SLC22A16: variants seen among roughly 807,000 people sequenced by gnomAD.
SLC22A16 encodes the protein WUGSC:RG331P03.1.
In SLC22A16, 53 loss-of-function variants were observed where a neutral mutation model predicts 52.9. The ratio of observed to expected loss-of-function variants is 1.00; its 90% CI spans 0.80 to 1.26. SLC22A16 has a LOEUF of 1.26. Among genes scored for constraint, SLC22A16 ranks in the 50% most tolerant of loss-of-function variants. The pLI is 0.00. For synonymous variants in SLC22A16, 291 were observed against 268.8 expected (o/e 1.08, Z -0.81); for missense variants, 726 against 704.0 (o/e 1.03, Z -0.35).
At chr6:110,476,137 TGGCGGCGGATTAGAGAAACG>T (rs1268532166) in intron 1 of SLC22A16, 30 of 394,986 alleles carry the variant, frequency 7.6e-5, no homozygotes, top group African/African-American at 1.5e-4. Context: ...TCTAGGGAAG[TGGCGGCGGATTAGAGAAACG>T]GGCGGCCAGG....
intron 2 of SLC22A16, among the ~76,000 whole-genome samples, chr6:110,447,730 G>A (rs1030406745): frequency 8.5e-5 from 13 of 152,122 alleles, no homozygotes; most frequent in African/African-American, 2.4e-4. Flanking sequence ...TGCCTGTTCT[G>A]GACATTTCCC....
intron 6 of SLC22A16, among the ~76,000 whole-genome samples, chr6:110,433,088 C>T (rs975186380): frequency 5.3e-5 from 8 of 152,000 alleles, no homozygotes; most frequent in South Asian, 2.1e-4. Flanking sequence ...TATTAGACTG[C>T]GAGAGTGGTC....
At chr6:110,441,595 G>A (rs894498490) in intron 4 of SLC22A16, among the ~76,000 whole-genome samples, 7 of 152,176 alleles carry the variant, frequency 4.6e-5, no homozygotes, top group African/African-American at 1.7e-4. Context: ...TTTCTGGAGG[G>A]CCAAAGAATG....
chr6:110,442,291 T>C lies in SLC22A16; in HGVS notation c.1136A>G (p.Asn379Ser), dbSNP rs775784034. The stretch of plus-strand genomic sequence containing the variant: ...TTCATTGCCTCCTAAGTTAACAGAA[T>C]TCAAGGAAAACGAGTAGAATCCCAA... ...GSLGFYSFSLNSVNLGGNEYL... is the reference protein window; with the variant it reads ...GSLGFYSFSLSSVNLGGNEYL... Residue 379 changes from asparagine (N) to serine (S), a missense_variant, in exon 4 of 8, where the codon AAT becomes AGT. Physicochemically the swap from Asn to Ser is conservative, Grantham distance 46. Transcript: ENST00000368919. The C allele has an allele frequency of 1.9e-6, 3 of 1,614,052 alleles. No homozygotes were observed. The highest frequency in any genetic ancestry group is 2.7e-5 in the African/African-American group (2 of 74,914).
intron 1 of SLC22A16, among the ~76,000 whole-genome samples, chr6:110,466,525 T>C (rs982484725): frequency 1.5e-4 from 23 of 151,526 alleles, no homozygotes; most frequent in Non-Finnish European, 7.4e-5. Flanking sequence ...CAGGAAAAAA[T>C]GCTCAATATC....
chr6:110,445,371 C>T (rs1256252538), intron 3 of SLC22A16, among the ~76,000 whole-genome samples: 2 of 152,192 alleles, frequency 1.3e-5, no homozygotes, highest in South Asian at 2.1e-4. Flanking sequence ...TCCAGACCCA[C>T]TGATGTTATG....
At chr6:110,425,667 T>C (rs1464978531) in intron 7 of SLC22A16, among the ~76,000 whole-genome samples, 2 of 152,258 alleles carry the variant, frequency 1.3e-5, no homozygotes, top group Admixed American at 1.3e-4. Flanking sequence ...TCCATATAAT[T>C]TCCTATACAG....
intron 2 of SLC22A16, among the ~76,000 whole-genome samples, chr6:110,455,053 A>ATT (rs1775594885): frequency 7.6e-6 from 1 of 131,300 alleles, no homozygotes; most frequent in Admixed American, 9.5e-5. Flanking sequence ...TTATTTATAT[A>ATT]TTATATATAT....
intron 4 of SLC22A16, among the ~76,000 whole-genome samples, chr6:110,441,547 C>A (rs115668275): frequency 9.8e-5 from 15 of 152,288 alleles, no homozygotes; most frequent in South Asian, 2.1e-4. Context: ...GTCATGGCAA[C>A]GTTTGTTGGG....
chr6:110,438,753 T>G lies in SLC22A16; in HGVS notation c.1278A>C (p.Ala426=), dbSNP rs780908832. The G allele has an allele frequency of 1.2e-6, 2 of 1,613,920 alleles. No homozygotes were observed. The highest frequency in any genetic ancestry group is 1.7e-6 in the Non-Finnish European group (2 of 1,179,978). Residue 426 remains alanine, a synonymous_variant, in exon 5 of 8, where the codon GCA becomes GCC. Coordinates refer to ENST00000368919, the MANE Select transcript of SLC22A16 (RefSeq NM_033125.4). ...TVLAYSLFCS[A]LACGVVMVIP... ...TCACCATAACGACACCACAGGCCAG[T>G]GCACTGCAGAAAAGAGAGTAGGCCA...
chr6:110,461,242 G>A (rs1213309323), intron 1 of SLC22A16, among the ~76,000 whole-genome samples: 1 of 152,174 alleles, frequency 6.6e-6, no homozygotes, highest in African/African-American at 2.4e-5. Context: ...GCTCTGACCC[G>A]AGGCCATTTT....
chr6:110,437,868 A>T (rs1774793981), intron 5 of SLC22A16, among the ~76,000 whole-genome samples: 1 of 152,180 alleles, frequency 6.6e-6, no homozygotes, highest in South Asian at 2.1e-4. Context: ...TCTCACTAAG[A>T]AACTGTTTTT....
At chr6:110,469,184 T>G (rs750026744) in intron 1 of SLC22A16, among the ~76,000 whole-genome samples, 2 of 152,188 alleles carry the variant, frequency 1.3e-5, no homozygotes, top group Non-Finnish European at 2.9e-5. Context: ...CACTCCTGCC[T>G]GTACTGTACG....
rs1250644389 is a variant in SLC22A16, at chr6:110,456,844, GC to G, written c.226del (p.Ala76ProfsTer66). On this transcript the variant is annotated frameshift_variant, in exon 2 of 8. Coordinates refer to ENST00000368919, the MANE Select transcript of SLC22A16 (RefSeq NM_033125.4). LOFTEE classifies it high-confidence loss of function. The part of the protein sequence containing the change: ...HSNWSLEDTG[A>X]LLSSGQKDYV... The stretch of plus-strand genomic sequence containing the variant: ...ATCTTTCTGGCCTGAAGACAACAGG[GC>G]CCCGGTGTCCTCCAAACTCCAATTA... The G allele has an allele frequency of 2.5e-6, 4 of 1,614,050 alleles. No homozygotes were observed. Among genetic ancestry groups the G allele is most frequent in the Non-Finnish European group, 2.5e-6 (3 of 1,179,992 alleles).
chr6:110,432,394 T>C (rs182731844), intron 6 of SLC22A16, among the ~76,000 whole-genome samples: 31 of 152,304 alleles, frequency 2.0e-4, no homozygotes, highest in South Asian at 4.1e-4. Flanking sequence ...ATAATTGCAA[T>C]GCACATTGAC....
chr6:110,473,821 G>C (rs992630028), intron 1 of SLC22A16, among the ~76,000 whole-genome samples: 2 of 143,510 alleles, frequency 1.4e-5, no homozygotes, highest in Non-Finnish European at 3.0e-5. Flanking sequence ...CACCGCACCT[G>C]GCCTGTTTTC....
At chr6:110,427,207 C>A (rs1774292110) in intron 7 of SLC22A16, among the ~76,000 whole-genome samples, 1 of 140,966 alleles carries the variant, frequency 7.1e-6, no homozygotes. Flanking sequence ...AAGATTGCAC[C>A]ACTGCACTCC....
intron 1 of SLC22A16, among the ~76,000 whole-genome samples, chr6:110,457,726 A>G (rs1417034715): frequency 3.3e-5 from 5 of 152,292 alleles, no homozygotes; most frequent in East Asian, 1.9e-4. Flanking sequence ...AGAAGACAAG[A>G]GTGTGAACCT....
At chr6:110,427,162 C>T (rs1774290530) in intron 7 of SLC22A16, among the ~76,000 whole-genome samples, 1 of 146,960 alleles carries the variant, frequency 6.8e-6, no homozygotes, top group Non-Finnish European at 1.5e-5. Context: ...GTGGGAGAAT[C>T]TCTTGAGCCC....
Sources: allele counts gnomAD v4.1 joint callset (sites outside exome capture counted in the v4.1 genomes callset), GRCh38; gene constraint gnomAD v4.1.1; transcripts MANE v1.5; gene names NCBI Gene and HGNC (gene_info 2026-07-23, HGNC 2026-07-21).